Variants in CTSS observed in about 807,000 individuals in gnomAD.
CTSS encodes the protein cathepsin S.
Under a neutral mutation model 39.9 loss-of-function variants are expected in CTSS, and 15 were observed. The ratio of observed to expected loss-of-function variants is 0.38; its 90% CI spans 0.25 to 0.58. CTSS has a LOEUF of 0.58. CTSS is among the 20% of genes least tolerant of loss of function. CTSS has a pLI of 0.70. For synonymous variants in CTSS, 126 were observed against 138.2 expected (o/e 0.91, Z 0.62); for missense variants, 250 against 398.2 (o/e 0.63, Z 3.17).
At chr1:150,743,403 C>A (rs797019876) in intron 7 of CTSS, among the ~76,000 whole-genome samples, 5 of 150,384 alleles carry the variant, frequency 3.3e-5, no homozygotes, top group African/African-American at 1.2e-4. Context: ...TATCATTATA[C>A]CACGATGTGT....
intron 3 of CTSS, among the ~76,000 whole-genome samples, chr1:150,756,055 C>G (rs1252833624): frequency 6.6e-6 from 1 of 152,092 alleles, no homozygotes; most frequent in East Asian, 1.9e-4. Context: ...AAAATATTTT[C>G]TTCTTTATCA....
chr1:150,751,930 C>G lies in CTSS; in HGVS notation c.478G>C (p.Val160Leu). The change falls in exon 5 of 8, where the codon GTG (valine) becomes CTG (leucine). Residue 160 changes from valine (V) to leucine (L), a missense_variant. Physicochemically the swap from Val to Leu is conservative, Grantham distance 32 (BLOSUM62 1). Coordinates refer to ENST00000368985, the MANE Select transcript of CTSS (RefSeq NM_004079.5). ...ACCAGGTTCTGGGCACTGAGAGACA[C>G]CAGCTTTCCTGTTTTCAGCTTCAGC... ...AQLKLKTGKL[V>L]SLSAQNLVDC... The G allele has an allele frequency of 1.2e-6, 2 of 1,614,184 alleles. No homozygotes were observed. Among genetic ancestry groups the G allele is most frequent in the Non-Finnish European group, 1.7e-6 (2 of 1,180,036 alleles).
In CTSS at chr1:150,755,099, A is replaced by G; in HGVS notation, c.301T>C (p.Trp101Arg). ...LMSSLRVPSQ[W>R]QRNITYKSNP... ...GACTTATATGTGATATTTCTCTGCC[A>G]CTGGCTGGGAACTCTCAGGGAACTC... The change falls in exon 4 of 8, where the codon TGG becomes CGG. Residue 101 changes from tryptophan (W) to arginine (R), a missense_variant. Coordinates refer to ENST00000368985, the MANE Select transcript of CTSS (RefSeq NM_004079.5). 6.2e-7 allele frequency: 1 copy of G among 1,614,202 alleles called. No individual in the cohort carries two copies. Among genetic ancestry groups the G allele is most frequent in the Non-Finnish European group, 8.5e-7 (1 of 1,180,034 alleles).
rs150467515 is a variant in CTSS at position 150,760,455 on chromosome 1, G to A, written c.127-2475C>T. Among the ~76,000 whole-genome samples the A allele has an allele frequency of 5.2e-3, 794 of 152,142 alleles. 6 individuals are homozygous for A. Among genetic ancestry groups the A allele is most frequent in the African/African-American group, 0.018 (752 of 41,488 alleles). On this transcript the variant is annotated intron_variant, in intron 2 of 7. Coordinates refer to ENST00000368985, the MANE Select transcript of CTSS (RefSeq NM_004079.5). ...CTGCTAAGATCAGAAAAAGACAAGG[G>A]TACCCACTCTCACCATTTCTAGTCA...
chr1:150,763,656 A>T (rs1053829882), intron 2 of CTSS, among the ~76,000 whole-genome samples: 2 of 152,204 alleles, frequency 1.3e-5, no homozygotes, highest in Non-Finnish European at 2.9e-5. Flanking sequence ...ATGTCAAATA[A>T]ATAAATATAT....
At chr1:150,755,743 G>GAAA (rs1022985674) in intron 3 of CTSS, among the ~76,000 whole-genome samples, 1 of 133,570 alleles carries the variant, frequency 7.5e-6, no homozygotes, top group Non-Finnish European at 1.6e-5. Context: ...CCATCTCAAA[G>GAAA]AAAAAAAAAA....
intron 6 of CTSS, among the ~76,000 whole-genome samples, chr1:150,749,550 TCGCCTCACCCCGCCC>T (rs1308390663): frequency 1.0e-3 from 156 of 150,530 alleles, no homozygotes; most frequent in Middle Eastern, 3.5e-3. Flanking sequence ...TAAAATTGCC[TCGCCTCACCCCGCCC>T]CGCCTCACCC....
At chr1:150,756,932 T>A (rs979975805) in intron 3 of CTSS, among the ~76,000 whole-genome samples, 4 of 152,144 alleles carry the variant, frequency 2.6e-5, no homozygotes, top group Admixed American at 2.0e-4. Flanking sequence ...GTCAGGCTAG[T>A]CTCAAACTCC....
Position 150,750,131 on chromosome 1 carries a change from G to A in CTSS, c.668C>T (p.Thr223Ile). ...AGGAAGTTCAGTGTACTTTGAACAT[G>A]TGGCAGCACGATATTTTGAGTCATA... is the stretch of plus-strand genomic sequence containing the variant. ...CQYDSKYRAA[T>I]CSKYTELPYG... is the part of the protein sequence containing the mutation. The change falls in exon 6 of 8, where the codon ACA (threonine) becomes ATA (isoleucine). Residue 223 changes from threonine (T) to isoleucine (I), a missense_variant. Thr to Ile is a moderately conservative substitution (Grantham distance 89). Transcript: ENST00000368985. 1 of 1,613,216 alleles carries A rather than the reference G, an allele frequency of 6.2e-7. No homozygotes were observed. Among genetic ancestry groups the A allele is most frequent in the Non-Finnish European group, 8.5e-7 (1 of 1,179,422 alleles).
At chr1:150,754,292 T>C (rs1653070195) in intron 4 of CTSS, among the ~76,000 whole-genome samples, 1 of 151,188 alleles carries the variant, frequency 6.6e-6, no homozygotes, top group Non-Finnish European at 1.5e-5. Context: ...TTTTGTATTT[T>C]CAGTAGAGAC....
intron 2 of CTSS, among the ~76,000 whole-genome samples, chr1:150,758,852 T>C (rs1225315652): frequency 2.0e-5 from 3 of 149,446 alleles, no homozygotes; most frequent in Non-Finnish European, 4.5e-5. Context: ...GCCCAGCATT[T>C]TTTTTTTTTT....
At chr1:150,733,253 G>A (rs587605279) in intron 7 of CTSS, 108 bp from the exon 8 acceptor site, 111 of 716,412 alleles carry the variant, frequency 1.5e-4, no homozygotes, top group Non-Finnish European at 2.4e-4. Context: ...ATGAAAGGCC[G>A]TAAAACAAAA....
intron 2 of CTSS, among the ~76,000 whole-genome samples, chr1:150,758,203 C>G (rs889631655): frequency 7.2e-5 from 11 of 152,040 alleles, no homozygotes; most frequent in Admixed American, 5.2e-4. Flanking sequence ...GCATGTGCCA[C>G]CACGCCTAGC....
Position 150,732,037 on chromosome 1 carries a change from A to G in CTSS, c.*1009T>C, listed in dbSNP as rs1652535767. 1 of 152,118 alleles carries G rather than the reference A, an allele frequency of 6.6e-6. No individual in the cohort carries two copies. Among genetic ancestry groups the G allele is most frequent in the Non-Finnish European group, 1.5e-5 (1 of 68,054 alleles). The allele number at this position is 152,118 out of a possible 1,614,324, so 9.4% of individuals were successfully genotyped here. A position where few individuals can be genotyped will look rare whatever the true frequency, so the allele number is the denominator to read the frequency against. On this transcript the variant is annotated 3_prime_UTR_variant, in exon 8 of 8. Coordinates refer to ENST00000368985, the MANE Select transcript of CTSS (RefSeq NM_004079.5). Reference sequence around the variant, plus strand: ...ATCCTCCTGTCTTAGACATCTGCATAGCAGGGACCACAGGCACACACCACC... The same window carrying G: ...ATCCTCCTGTCTTAGACATCTGCATGGCAGGGACCACAGGCACACACCACC...
At chr1:150,750,211 C>T in intron 5 of CTSS, 40 bp from the exon 6 acceptor site, 1 of 1,502,108 alleles carries the variant, frequency 6.7e-7, no homozygotes, top group Non-Finnish European at 9.1e-7. Context: ...TATACTTCAA[C>T]TCCTGTATAA....
chr1:150,740,881 T>C (rs1652737612), intron 7 of CTSS, among the ~76,000 whole-genome samples: 1 of 150,778 alleles, frequency 6.6e-6, no homozygotes, highest in Admixed American at 6.7e-5. Context: ...AGAGATGGGG[T>C]CTCACTATGT....
intron 6 of CTSS, among the ~76,000 whole-genome samples, chr1:150,748,980 T>C (rs1652949683): frequency 6.6e-6 from 1 of 152,214 alleles, no homozygotes; most frequent in Admixed American, 6.5e-5. Flanking sequence ...CACACCTATA[T>C]AAGATAGCAG....
chr1:150,755,175 C>T (rs1184102909), intron 3 of CTSS, 25 bp from the exon 4 acceptor site: 1 of 1,611,398 alleles, frequency 6.2e-7, no homozygotes, highest in Non-Finnish European at 8.5e-7. Flanking sequence ...TACAGTCAGG[C>T]ATTGTTTAAT....
At chr1:150,758,168 A>G (rs1184655295) in intron 2 of CTSS, among the ~76,000 whole-genome samples, 188 bp from the exon 3 acceptor site, 2 of 151,858 alleles carry the variant, frequency 1.3e-5, no homozygotes, top group African/African-American at 4.8e-5. Context: ...TCCTGCTTCA[A>G]CCTTCCGAGT....
Sources: allele counts gnomAD v4.1 joint callset (sites outside exome capture counted in the v4.1 genomes callset), GRCh38; gene constraint gnomAD v4.1.1; transcripts MANE v1.5; gene names NCBI Gene and HGNC (gene_info 2026-07-23, HGNC 2026-07-21).